Variants in CNTNAP2 observed in about 807,000 individuals in gnomAD.
CNTNAP2 encodes the protein contactin-associated protein-like 2.
A neutral mutation model predicts 155.2 loss-of-function variants in CNTNAP2; 98 were observed. The ratio of observed to expected loss-of-function variants is 0.63; its 90% CI spans 0.54 to 0.75. The LOEUF (loss-of-function observed/expected upper bound fraction) is 0.75. Ranked by LOEUF, CNTNAP2 falls within the 30% of genes least tolerant of loss-of-function variation. The pLI is 0.00. For missense variants in CNTNAP2, 1,727 were observed against 1,688.1 expected, an observed-to-expected ratio of 1.02 and a Z score of -0.40; for synonymous variants, 651 against 631.2, an observed-to-expected ratio of 1.03 and a Z score of -0.47.
In CNTNAP2 at chr7:148,117,594, A is replaced by G. The variant is rs567319236; in HGVS notation, c.2384-524A>G. ...ACTTTGTTCTTACTTTGTCATCCTG[A>G]GGTTTATCTCAGATGCTGCTTGCAC... On this transcript the variant is annotated intron_variant, in intron 15 of 23. Transcript: ENST00000361727. Among the ~76,000 whole-genome samples the G allele has an allele frequency of 2.0e-5, 3 of 152,254 alleles. No homozygotes were observed. The South Asian group carries it at 6.2e-4, about 32-fold the overall frequency.
At position 148,147,855 on chromosome 7, in the gene CNTNAP2, C is replaced by T. The variant is rs1239972982; in HGVS notation, c.2773+146C>T. On this transcript the variant is annotated intron_variant, in intron 17 of 23. Transcript: ENST00000361727. ...GGTGTTGGCCTCTTGTAGTCTCCTT[C>T]AAGACAGAATGGAATAAGGAAGAAG... 4 of 795,634 alleles carry T rather than the reference C, an allele frequency of 5.0e-6. No individual in the cohort carries two copies. The African/African-American group carries it at 7.0e-5, about 14-fold the overall frequency. 49.3% of individuals were successfully genotyped at this position (795,634 alleles called of 1,614,324 possible). A position where few individuals can be genotyped will look rare whatever the true frequency, so the allele number is the denominator to read the frequency against.
At chr7:146,213,722 A>G (rs750341612) in intron 1 of CNTNAP2, among the ~76,000 whole-genome samples, 6 of 152,176 alleles carry the variant, frequency 3.9e-5, no homozygotes, top group Non-Finnish European at 7.4e-5. Context: ...AGATATAAAT[A>G]TTAGCAATAA....
At chr7:147,886,498 A>AAAAAAAAAAAAAAAAAC (rs1799602066) in intron 13 of CNTNAP2, among the ~76,000 whole-genome samples, 1 of 119,938 alleles carries the variant, frequency 8.3e-6, no homozygotes, top group African/African-American at 3.6e-5. Flanking sequence ...AAAAAAAAAA[A>AAAAAAAAAAAAAAAAAC]AAAAAGATTT....
chr7:146,988,304 T>C (rs553111789), intron 3 of CNTNAP2, among the ~76,000 whole-genome samples: 4 of 152,220 alleles, frequency 2.6e-5, no homozygotes, highest in African/African-American at 9.6e-5. Context: ...CTGGTTAAAA[T>C]GGCTTTTGAT....
intron 11 of CNTNAP2, among the ~76,000 whole-genome samples, chr7:147,496,039 G>A (rs1798702074): frequency 1.3e-5 from 2 of 152,192 alleles, no homozygotes; most frequent in South Asian, 4.1e-4. Flanking sequence ...AATGCCTGAT[G>A]ATCTGCCACT....
intron 15 of CNTNAP2, among the ~76,000 whole-genome samples, chr7:148,008,461 C>T (rs141311486): frequency 1.2e-3 from 184 of 152,212 alleles, no homozygotes; most frequent in African/African-American, 4.0e-3. Flanking sequence ...TAATTAGAAC[C>T]TGCTTCCTTT....
intron 16 of CNTNAP2, among the ~76,000 whole-genome samples, chr7:148,127,121 A>G (rs868112352): frequency 1.2e-4 from 18 of 152,286 alleles, no homozygotes; most frequent in African/African-American, 3.8e-4. Context: ...CATAGCCAAC[A>G]TGGCGAAACC....
chr7:146,847,689 T>C (rs1181238964), intron 3 of CNTNAP2, among the ~76,000 whole-genome samples: 2 of 152,182 alleles, frequency 1.3e-5, no homozygotes, highest in Non-Finnish European at 2.9e-5. Flanking sequence ...GTGTGTACTG[T>C]ATTACATACA....
intron 1 of CNTNAP2, among the ~76,000 whole-genome samples, chr7:146,431,196 T>C (rs1796168462): frequency 6.6e-6 from 1 of 152,010 alleles, no homozygotes; most frequent in African/African-American, 2.4e-5. Flanking sequence ...TAAGGTTTGC[T>C]CCATTTAAAA....
In CNTNAP2 at chr7:146,254,517, G is replaced by A. The variant is rs190558857; in HGVS notation, c.97+137544G>A. ...TGGAGGAAGTCATTTAGATTTGATA[G>A]CATGGTTTCCAAAGGCAGTGTCCTA... On this transcript the variant is annotated intron_variant, in intron 1 of 23. Transcript: ENST00000361727. 4.1e-4 allele frequency among the ~76,000 whole-genome samples: 62 copies of A among 152,322 alleles called. 1 individual carries two copies. In the East Asian group the frequency reaches 6.6e-3, roughly 16 times the overall value.
chr7:147,737,070 T>C (rs557343998), intron 13 of CNTNAP2, among the ~76,000 whole-genome samples: 2 of 152,358 alleles, frequency 1.3e-5, no homozygotes, highest in Admixed American at 1.3e-4. Context: ...GGTGAGGAGC[T>C]GCATTCCTTT....
chr7:148,235,478 A>C (rs1228323706), intron 20 of CNTNAP2, among the ~76,000 whole-genome samples: 1 of 152,144 alleles, frequency 6.6e-6, no homozygotes, highest in Admixed American at 6.6e-5. Flanking sequence ...GCAGTGATGA[A>C]ATTGTGCTGG....
At chr7:146,616,691 C>G (rs1028626470) in intron 1 of CNTNAP2, among the ~76,000 whole-genome samples, 1 of 152,136 alleles carries the variant, frequency 6.6e-6, no homozygotes, top group Non-Finnish European at 1.5e-5. Context: ...CTGAAAACAC[C>G]TAGTTTCCCA....
At position 146,253,606 on chromosome 7, in the gene CNTNAP2, G is replaced by T. The variant is rs185900085; in HGVS notation, c.97+136633G>T. Among the ~76,000 whole-genome samples, 38 of 152,322 alleles carry T rather than the reference G, an allele frequency of 2.5e-4. 1 individual carries two copies. The highest frequency in any genetic ancestry group is 9.1e-4 in the African/African-American group (38 of 41,572). ...GAATGGAAATCTCAATAGCCAAACTGAGTTGTTGCTGTACATTTTTAATAT... is the reference window on the plus strand; with the variant it reads ...GAATGGAAATCTCAATAGCCAAACTTAGTTGTTGCTGTACATTTTTAATAT... On this transcript the variant is annotated intron_variant, in intron 1 of 23. Coordinates refer to ENST00000361727, the MANE Select transcript of CNTNAP2 (RefSeq NM_014141.6).
At chr7:147,824,113 T>C (rs769231192) in intron 13 of CNTNAP2, among the ~76,000 whole-genome samples, 5 of 152,150 alleles carry the variant, frequency 3.3e-5, no homozygotes, top group Admixed American at 6.6e-5. Context: ...CGAGATTCTA[T>C]TTAGCAGAAA....
intron 22 of CNTNAP2, among the ~76,000 whole-genome samples, chr7:148,384,185 TC>T (rs1181037326): frequency 6.6e-6 from 1 of 152,232 alleles, no homozygotes; most frequent in Admixed American, 6.5e-5. Context: ...GGTGATTTGA[TC>T]AATTCACTGT....
chr7:147,034,532 G>A (rs981191237), intron 3 of CNTNAP2, among the ~76,000 whole-genome samples: 1 of 152,198 alleles, frequency 6.6e-6, no homozygotes, highest in Non-Finnish European at 1.5e-5. Flanking sequence ...GGTGGCTTGT[G>A]TTAATCGGTT....
intron 14 of CNTNAP2, among the ~76,000 whole-genome samples, chr7:147,937,712 C>A (rs1330689293): frequency 1.3e-5 from 2 of 152,180 alleles, no homozygotes; most frequent in Non-Finnish European, 2.9e-5. Context: ...GTGTCACTCA[C>A]AATTCCCTGG....
intron 21 of CNTNAP2, among the ~76,000 whole-genome samples, chr7:148,341,154 C>T (rs915586343): frequency 1.2e-4 from 19 of 152,244 alleles, no homozygotes; most frequent in African/African-American, 3.6e-4. Flanking sequence ...GGGAAAGCCT[C>T]ATTCCTCACG....
Sources: allele counts gnomAD v4.1 joint callset (sites outside exome capture counted in the v4.1 genomes callset), GRCh38; gene constraint gnomAD v4.1.1; transcripts MANE v1.5; gene names NCBI Gene and HGNC (gene_info 2026-07-23, HGNC 2026-07-21).